The following RGS6 variants were observed in gnomAD, a reference collection of about 807,000 sequenced individuals.
RGS6 encodes the protein regulator of G-protein signaling 6.
Under a neutral mutation model 78.5 loss-of-function variants are expected in RGS6, and 30 were observed. The observed-to-expected ratio is 0.38, with a 90% CI of 0.29 to 0.52. The LOEUF is 0.52. Among genes scored for constraint, RGS6 ranks in the 20% least tolerant of loss-of-function variants. The pLI is 0.85. For synonymous variants in RGS6, 206 were observed against 206.0 expected, an observed-to-expected ratio of 1.00 and a Z score of 0.00; for missense variants, 495 against 609.7, an observed-to-expected ratio of 0.81 and a Z score of 1.98.
intron 6 of RGS6, among the ~76,000 whole-genome samples, chr14:72,462,174 A>T (rs2095799044): frequency 6.6e-6 from 1 of 152,202 alleles, no homozygotes; most frequent in Non-Finnish European, 1.5e-5. Context: ...CAGAGATTTG[A>T]ATAAGTCACA....
intron 8 of RGS6, among the ~76,000 whole-genome samples, chr14:72,472,506 C>T (rs756038841): frequency 5.9e-5 from 9 of 152,196 alleles, no homozygotes; most frequent in Admixed American, 1.3e-4. Context: ...TTTGTATATG[C>T]AGTATCCTTT....
chr14:72,260,105 T>A (rs2057867610), intron 2 of RGS6, among the ~76,000 whole-genome samples: 2 of 152,164 alleles, frequency 1.3e-5, no homozygotes, highest in Admixed American at 1.3e-4. Context: ...CAGAAAAGAG[T>A]ATCACAGGAA....
the RGS6 span, among the ~76,000 whole-genome samples, chr14:72,626,034 A>G: frequency 6.6e-6 from 1 of 152,278 alleles, no homozygotes; most frequent in East Asian, 1.9e-4. Context: ...TGTTTTCCAA[A>G]GTTACTTAGG....
intron 1 of RGS6, among the ~76,000 whole-genome samples, chr14:71,955,420 G>A (rs1010287284): frequency 9.8e-5 from 15 of 152,318 alleles, no homozygotes; most frequent in African/African-American, 3.6e-4. Context: ...AGTCCGTAGA[G>A]TAAACTGAAA....
At chr14:72,043,677 A>C (rs1288012341) in intron 2 of RGS6, among the ~76,000 whole-genome samples, 1 of 152,218 alleles carries the variant, frequency 6.6e-6, no homozygotes, top group Non-Finnish European at 1.5e-5. Flanking sequence ...GGCTTTCAGC[A>C]GTATAAATAT....
intron 2 of RGS6, among the ~76,000 whole-genome samples, chr14:72,175,158 C>T (rs551531838): frequency 3.5e-4 from 54 of 152,122 alleles, no homozygotes; most frequent in African/African-American, 9.6e-4. Flanking sequence ...TTGTTTTGAC[C>T]GAGAGTCTTT....
rs764387842 is a variant in RGS6, at chr14:72,540,230, C to G, written c.1422+136C>G. 2.6e-6 allele frequency: 4 copies of G among 1,535,870 alleles called. No homozygotes were observed. The South Asian group carries it at 4.9e-5, about 19-fold the overall frequency. ...GAGTCCAGTGCTTTCTCCCTCGACT[C>G]AGCCCTTTTCTTTTGCGAGTGTCTG... is the stretch of plus-strand genomic sequence containing the variant. On this transcript the variant is annotated intron_variant, in intron 17 of 17. Transcript: ENST00000553525.
intron 2 of RGS6, among the ~76,000 whole-genome samples, chr14:72,002,851 G>T (rs2083749726): frequency 6.6e-6 from 1 of 152,118 alleles, no homozygotes; most frequent in African/African-American, 2.4e-5. Flanking sequence ...AGTCATGGTG[G>T]TTTTCTGTAT....
chr14:72,458,573 G>A (rs1277555931), intron 5 of RGS6, among the ~76,000 whole-genome samples, 196 bp downstream of exon 5: 4 of 152,212 alleles, frequency 2.6e-5, no homozygotes, highest in Admixed American at 2.6e-4. Flanking sequence ...CTGTCATTGA[G>A]AGCCTACCAT....
chr14:72,466,041 AAAAT>A (rs2095902364), intron 7 of RGS6, among the ~76,000 whole-genome samples: 1 of 152,204 alleles, frequency 6.6e-6, no homozygotes, highest in Non-Finnish European at 1.5e-5. Context: ...CAACAATAAA[AAAAT>A]AAGCAGCTCA....
chr14:72,604,612 G>A, the RGS6 span, among the ~76,000 whole-genome samples: 2 of 152,144 alleles, frequency 1.3e-5, no homozygotes, highest in Non-Finnish European at 2.9e-5. Context: ...TTGGATGACC[G>A]CTCTGAACAT....
intron 2 of RGS6, among the ~76,000 whole-genome samples, chr14:72,024,400 C>T (rs1213008139): frequency 1.3e-5 from 2 of 152,188 alleles, no homozygotes; most frequent in African/African-American, 4.8e-5. Flanking sequence ...GTTGGCTGAG[C>T]TCTGGGATTT....
intron 3 of RGS6, among the ~76,000 whole-genome samples, chr14:72,450,797 G>A (rs184739722): frequency 6.6e-6 from 1 of 152,284 alleles, no homozygotes; most frequent in East Asian, 1.9e-4. Flanking sequence ...GAAGGAAAGA[G>A]GCAAGAAAGG....
chr14:72,103,334 C>G (rs1273218547), intron 2 of RGS6, among the ~76,000 whole-genome samples: 1 of 152,124 alleles, frequency 6.6e-6, no homozygotes, highest in African/African-American at 2.4e-5. Flanking sequence ...AAAGCAAAAC[C>G]CTCAGCCCCT....
chr14:72,301,461 T>G (rs1247939949), intron 2 of RGS6, among the ~76,000 whole-genome samples: 1 of 152,202 alleles, frequency 6.6e-6, no homozygotes, highest in African/African-American at 2.4e-5. Context: ...TCTTAGTTTC[T>G]CAATGTGGAG....
At chr14:72,601,449 C>T in the RGS6 span, among the ~76,000 whole-genome samples, 2 of 152,162 alleles carry the variant, frequency 1.3e-5, no homozygotes, top group South Asian at 2.1e-4. Context: ...TGCTCCAGGT[C>T]GGACCTCAGC....
rs977097226 is a variant in RGS6 at position 72,557,358 on chromosome 14, G to T, written c.1423-5059G>T. Among the ~76,000 whole-genome samples the T allele has an allele frequency of 2.0e-5, 3 of 152,220 alleles. No homozygotes were observed. In the East Asian group the frequency reaches 5.8e-4, roughly 29 times the overall value. The stretch of plus-strand genomic sequence containing the variant: ...CATCATTGAGGAAGAAGATGCCACG[G>T]AATTCTTTGCATTCCCTTTTAAAAT... On this transcript the variant is annotated intron_variant, in intron 17 of 17. Coordinates refer to ENST00000553525, the MANE Select transcript of RGS6 (RefSeq NM_001204424.2).
the RGS6 span, among the ~76,000 whole-genome samples, chr14:72,626,408 T>C: frequency 6.6e-6 from 1 of 152,166 alleles, no homozygotes; most frequent in Non-Finnish European, 1.5e-5. Context: ...TTATGTCTCT[T>C]TTTTCTTACA....
At chr14:72,522,831 A>C (rs2097065716) in intron 15 of RGS6, among the ~76,000 whole-genome samples, 1 of 152,264 alleles carries the variant, frequency 6.6e-6, no homozygotes, top group Non-Finnish European at 1.5e-5. Flanking sequence ...CATGGTCATG[A>C]AAATTATTGA....
Sources: allele counts gnomAD v4.1 joint callset (sites outside exome capture counted in the v4.1 genomes callset), GRCh38; gene constraint gnomAD v4.1.1; transcripts MANE v1.5; gene names NCBI Gene and HGNC (gene_info 2026-07-23, HGNC 2026-07-21).